TRIQK: variants seen among roughly 807,000 people sequenced by gnomAD.
TRIQK encodes triple QxxK/R motif-containing protein.
In TRIQK, 10 loss-of-function variants were observed where a neutral mutation model predicts 10.8. The ratio of observed to expected loss-of-function variants is 0.92; its 90% CI spans 0.57 to 1.57. The LOEUF (loss-of-function observed/expected upper bound fraction) is 1.57, where lower values mean the gene tolerates loss of function less well. TRIQK is among the 40% of genes most tolerant of loss of function. The pLI is 0.00. For missense variants in TRIQK, 107 were observed against 97.7 expected, an observed-to-expected ratio of 1.09 and a Z score of -0.40; for synonymous variants, 33 against 33.7, an observed-to-expected ratio of 0.98 and a Z score of 0.07.
chr8:93,017,139 GA>G (rs1407400362), intron 1 of TRIQK, among the ~76,000 whole-genome samples: 1 of 147,778 alleles, frequency 6.8e-6, no homozygotes, highest in East Asian at 2.0e-4. Flanking sequence ...GAGAGAGAGA[GA>G]GAGAGAGAGA....
At chr8:93,012,220 G>A (rs1813342418) in intron 1 of TRIQK, among the ~76,000 whole-genome samples, 1 of 152,126 alleles carries the variant, frequency 6.6e-6, no homozygotes, top group Non-Finnish European at 1.5e-5. Flanking sequence ...TGTTGAAAGG[G>A]TAAATATTTG....
intron 1 of TRIQK, among the ~76,000 whole-genome samples, chr8:93,001,177 G>A (rs1269350683): frequency 6.6e-6 from 1 of 151,624 alleles, no homozygotes; most frequent in Non-Finnish European, 1.5e-5. Context: ...CATGGTGGCG[G>A]GTAGCTGTAG....
intron 2 of TRIQK, among the ~76,000 whole-genome samples, chr8:92,937,081 G>T (rs1811027143): frequency 6.6e-6 from 1 of 151,720 alleles, no homozygotes; most frequent in Non-Finnish European, 1.5e-5. Flanking sequence ...AATTCTATAT[G>T]TGCACAAAAA....
upstream of TRIQK, among the ~76,000 whole-genome samples, chr8:92,969,114 T>C (rs2130735998): frequency 6.6e-6 from 1 of 152,230 alleles, no homozygotes; most frequent in South Asian, 2.1e-4. Context: ...TGGTTGTAGG[T>C]GTGTGGTGTT....
At chr8:92,964,454 A>ATATATATATC (rs1316745361) in intron 1 of TRIQK, among the ~76,000 whole-genome samples, 1 of 128,934 alleles carries the variant, frequency 7.8e-6, no homozygotes, top group African/African-American at 2.7e-5. Context: ...TTTCAGGTAT[A>ATATATATATC]TATATATATC....
chr8:92,903,767 C>G (rs535770333), intron 3 of TRIQK, among the ~76,000 whole-genome samples: 1 of 152,046 alleles, frequency 6.6e-6, no homozygotes, highest in African/African-American at 2.4e-5. Context: ...AAACAAAGTA[C>G]AGAAATGAGT....
chr8:92,953,682 G>A (rs1378687942), intron 2 of TRIQK: 5 of 151,998 alleles, frequency 3.3e-5, no homozygotes, highest in Non-Finnish European at 5.9e-5. Flanking sequence ...CCCAGGGCAA[G>A]AGAATAACGA....
At chr8:92,925,817 C>T (rs1280882073) in intron 2 of TRIQK, among the ~76,000 whole-genome samples, 1 of 152,104 alleles carries the variant, frequency 6.6e-6, no homozygotes, top group Non-Finnish European at 1.5e-5. Flanking sequence ...AGTTAACTAC[C>T]AGCAATTTTT....
At chr8:92,948,179 C>T (rs1204463395) in intron 2 of TRIQK, among the ~76,000 whole-genome samples, 1 of 152,158 alleles carries the variant, frequency 6.6e-6, no homozygotes, top group Non-Finnish European at 1.5e-5. Context: ...AAAAATACAT[C>T]CTAGGACCAT....
chr8:93,003,727 C>T (rs969912345), intron 1 of TRIQK, among the ~76,000 whole-genome samples: 4 of 152,178 alleles, frequency 2.6e-5, no homozygotes, highest in African/African-American at 9.7e-5. Flanking sequence ...TTAATTACCT[C>T]CAGGATACAA....
chr8:92,936,505 A>G (rs1205146671), intron 2 of TRIQK, among the ~76,000 whole-genome samples: 2 of 151,660 alleles, frequency 1.3e-5, no homozygotes, highest in East Asian at 3.8e-4. Flanking sequence ...GGAATTTAGT[A>G]TATAGAAATA....
intron 1 of TRIQK, among the ~76,000 whole-genome samples, chr8:92,976,150 A>G (rs1029433091): frequency 6.6e-6 from 1 of 151,986 alleles, no homozygotes; most frequent in East Asian, 1.9e-4. Flanking sequence ...ATAGCATTCT[A>G]TAAATTTCAG....
At chr8:93,007,299 T>G (rs575742243) in intron 1 of TRIQK, among the ~76,000 whole-genome samples, 17 of 152,268 alleles carry the variant, frequency 1.1e-4, no homozygotes, top group Non-Finnish European at 2.4e-4. Context: ...GGAGCCAGAC[T>G]GTTAAAAGAA....
intron 1 of TRIQK, among the ~76,000 whole-genome samples, chr8:93,012,731 A>C (rs573799542): frequency 1.3e-5 from 2 of 152,206 alleles, no homozygotes; most frequent in Non-Finnish European, 2.9e-5. Context: ...TTTTGTCAGC[A>C]GGTTTGTTTT....
rs140700560 is a variant in TRIQK at position 92,915,131 on chromosome 8, T to C, written c.61+1798A>G. ...AGAAAGAAAAATACTGCATGATCTC[T>C]CTTATCTTTTCAATCTTAAAAAACG... On this transcript the variant is annotated intron_variant, in intron 3 of 4. Transcript: ENST00000521988. 4.7e-3 allele frequency among the ~76,000 whole-genome samples: 711 copies of C among 152,270 alleles called. 9 individuals are homozygous for C. The highest frequency in any genetic ancestry group is 0.02 in the Middle Eastern group (6 of 294).
chr8:92,956,342 G>T (rs1474050784), intron 1 of TRIQK, among the ~76,000 whole-genome samples: 1 of 151,396 alleles, frequency 6.6e-6, no homozygotes, highest in Non-Finnish European at 1.5e-5. Context: ...GAATGGGAAG[G>T]TCAATAGAGA....
intron 2 of TRIQK, among the ~76,000 whole-genome samples, chr8:92,924,862 G>A (rs1365365975): frequency 6.6e-6 from 1 of 151,894 alleles, no homozygotes; most frequent in Non-Finnish European, 1.5e-5. Context: ...TATAAAACTG[G>A]AGAGCTAAAC....
intron 1 of TRIQK, among the ~76,000 whole-genome samples, chr8:92,971,871 G>A (rs890059190): frequency 2.0e-5 from 3 of 152,090 alleles, no homozygotes; most frequent in African/African-American, 7.2e-5. Flanking sequence ...CAGAGCTAGA[G>A]GCATCACGGT....
At chr8:93,017,192 T>TATC (rs4041293) in intron 1 of TRIQK, among the ~76,000 whole-genome samples, 17,453 of 142,370 alleles carry the variant, frequency 0.12, 1,275 homozygotes, top group South Asian at 0.15. Context: ...TATATACCAA[T>TATC]ATCAGGAAGC....
Sources: allele counts gnomAD v4.1 joint callset (sites outside exome capture counted in the v4.1 genomes callset), GRCh38; gene constraint gnomAD v4.1.1; transcripts MANE v1.5; gene names NCBI Gene and HGNC (gene_info 2026-07-23, HGNC 2026-07-21).